ALDH3A2: variants seen among roughly 807,000 people sequenced by gnomAD.
ALDH3A2 encodes aldehyde dehydrogenase 3 family member A2.
A neutral mutation model predicts 51.3 loss-of-function variants in ALDH3A2; 36 were observed. That is an observed-to-expected ratio of 0.70 (90% CI 0.54 to 0.93). The LOEUF (loss-of-function observed/expected upper bound fraction) is 0.93. Among genes scored for constraint, ALDH3A2 ranks in the 40% least tolerant of loss-of-function variants. The probability of loss-of-function intolerance (pLI) is 0.00; values close to 1 mark genes in which losing one functional copy is unlikely to be tolerated. For synonymous variants in ALDH3A2, 199 were observed against 219.8 expected, an observed-to-expected ratio of 0.91 and a Z score of 0.84; for missense variants, 552 against 603.1, an observed-to-expected ratio of 0.92 and a Z score of 0.89.
Position 19,671,805 on chromosome 17 carries a change from A to G in ALDH3A2, c.1292A>G (p.Lys431Arg). 6.2e-7 allele frequency: 1 copy of G among 1,613,904 alleles called. No individual in the cohort carries two copies. The highest frequency in any genetic ancestry group is 2.2e-5 in the East Asian group (1 of 44,884). Residue 431 changes from lysine to arginine, a missense_variant, in exon 9 of 10, where the codon AAG (lysine) becomes AGG (arginine). Transcript: ENST00000176643. The part of the protein sequence containing the change: ...HQRPCLLKSL[K>R]REGANKLRYP... ...CGTCCCTGTTTATTAAAAAGTTTAA[A>G]GAGAGAAGGTGCTAACAAACTCAGA...
intron 5 of ALDH3A2, among the ~76,000 whole-genome samples, chr17:19,660,284 A>G (rs892492431): frequency 2.0e-5 from 3 of 152,140 alleles, no homozygotes; most frequent in South Asian, 4.1e-4. Flanking sequence ...AGGTGATTCT[A>G]TGATGCATTC....
intron 8 of ALDH3A2, among the ~76,000 whole-genome samples, chr17:19,668,173 G>A (rs2085064781): frequency 6.6e-6 from 1 of 152,082 alleles, no homozygotes; most frequent in Non-Finnish European, 1.5e-5. Flanking sequence ...TTATAAGTAA[G>A]AAAATCCTCA....
rs1366970424 is a variant in ALDH3A2 at position 19,671,793 on chromosome 17, TA to T, written c.1285del (p.Ser429ValfsTer2). 3.1e-6 allele frequency: 5 copies of T among 1,614,066 alleles called. No individual in the cohort carries two copies. Among genetic ancestry groups the T allele is most frequent in the Non-Finnish European group, 4.2e-6 (5 of 1,180,028 alleles). On this transcript the variant is annotated frameshift_variant, in exon 9 of 10. Coordinates refer to ENST00000176643, the MANE Select transcript of ALDH3A2 (RefSeq NM_000382.3). LOFTEE classifies it high-confidence loss of function. Reference sequence around the variant, plus strand: ...TTTTCTCATCAGCGTCCCTGTTTATTAAAAAGTTTAAAGAGAGAAGGTGCTA... The same window carrying T: ...TTTTCTCATCAGCGTCCCTGTTTATTAAAAGTTTAAAGAGAGAAGGTGCTA... Reference protein sequence around the residue: ...DTFSHQRPCLLKSLKREGANK... With the variant: ...DTFSHQRPCLXKSLKREGANK...
intron 3 of ALDH3A2, among the ~76,000 whole-genome samples, chr17:19,653,795 G>T (rs1597552327): frequency 6.6e-6 from 1 of 152,166 alleles, no homozygotes; most frequent in Non-Finnish European, 1.5e-5. Flanking sequence ...CTGCTGGCTT[G>T]GGCAGCCTGC....
chr17:19,661,666 A>G (rs1487754379), intron 6 of ALDH3A2, among the ~76,000 whole-genome samples: 1 of 152,204 alleles, frequency 6.6e-6, no homozygotes, highest in African/African-American at 2.4e-5. Context: ...TTGGTCCATC[A>G]TGCTTGACCT....
At chr17:19,670,956 C>T (rs1436761629) in intron 8 of ALDH3A2, among the ~76,000 whole-genome samples, 1 of 152,196 alleles carries the variant, frequency 6.6e-6, no homozygotes, top group Non-Finnish European at 1.5e-5. Flanking sequence ...TGAATGATTC[C>T]TTCCTGCAGC....
At chr17:19,657,930 G>C in intron 5 of ALDH3A2, 68 bp downstream of exon 5, 1 of 1,244,236 alleles carries the variant, frequency 8.0e-7, no homozygotes, top group South Asian at 1.2e-5. Context: ...CTATTCGCAG[G>C]CAGCATCCCC....
chr17:19,662,648 A>G (rs745330872), intron 6 of ALDH3A2, among the ~76,000 whole-genome samples: 12 of 152,160 alleles, frequency 7.9e-5, no homozygotes, highest in Non-Finnish European at 1.3e-4. Context: ...GGTTTAGGGA[A>G]TTTTGACCAT....
intron 4 of ALDH3A2, 67 bp downstream of exon 4, chr17:19,656,641 C>A (rs2084902208): frequency 7.0e-7 from 1 of 1,422,508 alleles, no homozygotes; most frequent in Non-Finnish European, 9.7e-7. Flanking sequence ...GACAATGTTA[C>A]TCTTTGTACT....
intron 4 of ALDH3A2, among the ~76,000 whole-genome samples, chr17:19,656,914 A>T (rs2084904955): frequency 6.6e-6 from 1 of 152,250 alleles, no homozygotes; most frequent in African/African-American, 2.4e-5. Flanking sequence ...GTGTGTGCCT[A>T]ATAAAATCTT....
chr17:19,673,374 GTTTTTATTTTTGT>G lies in ALDH3A2; in HGVS notation c.1443+1424_1443+1436del, dbSNP rs1597575146. The G allele has an allele frequency of 2.8e-5, 40 of 1,416,650 alleles. 1 individual carries two copies. In the East Asian group the frequency reaches 6.0e-4, roughly 21 times the overall value. The allele number at this position is 1,416,650 out of a possible 1,614,324, so 87.8% of individuals were successfully genotyped here. A position where few individuals can be genotyped will look rare whatever the true frequency, so the allele number is the denominator to read the frequency against. ...TGTTTTTGTTTTTGTTTTTGTTTTT[GTTTTTATTTTTGT>G]TTTTTTTTTGCTACAGTTGGAGGCT... On this transcript the variant is annotated intron_variant, in intron 9 of 9. Coordinates refer to ENST00000176643, the MANE Select transcript of ALDH3A2 (RefSeq NM_000382.3).
chr17:19,649,262 A>G lies in ALDH3A2; in HGVS notation c.153+138A>G, dbSNP rs2084781583. The G allele has an allele frequency of 2.4e-6, 3 of 1,238,540 alleles. 1 individual carries two copies. The highest frequency in any genetic ancestry group is 3.1e-5 in the South Asian group (2 of 64,840). The allele number at this position is 1,238,540 out of a possible 1,614,324, so 76.7% of individuals were successfully genotyped here. A position where few individuals can be genotyped will look rare whatever the true frequency, so the allele number is the denominator to read the frequency against. On this transcript the variant is annotated intron_variant, in intron 1 of 9. Transcript: ENST00000176643. Reference sequence around the variant, plus strand: ...GGGAGTATGATCTCCAGCGATACAGATAAAGCCAAAGTTCCCGCAGACTTT... The same window carrying G: ...GGGAGTATGATCTCCAGCGATACAGGTAAAGCCAAAGTTCCCGCAGACTTT...
chr17:19,673,593 C>T (rs1212198975), intron 9 of ALDH3A2, among the ~76,000 whole-genome samples: 1 of 151,984 alleles, frequency 6.6e-6, no homozygotes, highest in Non-Finnish European at 1.5e-5. Flanking sequence ...TGGTACGTGA[C>T]TGTAGTCCCA....
Position 19,675,600 on chromosome 17 carries a change from C to T in ALDH3A2, c.*28C>T, listed in dbSNP as rs375459021. The T allele has an allele frequency of 5.6e-6, 9 of 1,604,088 alleles. No homozygotes were observed. The highest frequency in any genetic ancestry group is 7.7e-6 in the Non-Finnish European group (9 of 1,171,002). On this transcript the variant is annotated 3_prime_UTR_variant, in exon 10 of 10. Coordinates refer to ENST00000176643, the MANE Select transcript of ALDH3A2 (RefSeq NM_000382.3). ...AATGATCCTGTTCAACCTCCTAGTG[C>T]CTCTACTGAATTATTCCTCTTTTAA...
intron 3 of ALDH3A2, chr17:19,656,043 C>T: frequency 2.6e-6 from 1 of 383,568 alleles, no homozygotes; most frequent in Non-Finnish European, 5.0e-6. Context: ...ACCAGAGGCA[C>T]TTCTGCACAC....
upstream of ALDH3A2, chr17:19,648,343 C>T (rs1386179522): frequency 6.5e-6 from 1 of 152,810 alleles, no homozygotes; most frequent in Non-Finnish European, 1.5e-5. Context: ...CGCTAGGCCT[C>T]CAACTACGTC....
rs901575569 is a variant in ALDH3A2, at chr17:19,676,948, C to T, written c.*1376C>T. 2.0e-5 allele frequency: 3 copies of T among 152,154 alleles called. No homozygotes were observed. Among genetic ancestry groups the T allele is most frequent in the African/African-American group, 7.2e-5 (3 of 41,418 alleles). 9.4% of individuals were successfully genotyped at this position (152,154 alleles called of 1,614,324 possible). ...GATGGTGGATGGTCTGGACAAGAAG[C>T]GAGTAAGCCACTGCGGTTGGTCATA... On this transcript the variant is annotated 3_prime_UTR_variant, in exon 10 of 10. Coordinates refer to ENST00000176643, the MANE Select transcript of ALDH3A2 (RefSeq NM_000382.3).
intron 6 of ALDH3A2, among the ~76,000 whole-genome samples, chr17:19,662,919 C>T (rs534151997): frequency 6.6e-6 from 1 of 152,148 alleles, no homozygotes; most frequent in Admixed American, 6.5e-5. Flanking sequence ...ACAGGAGAAT[C>T]ACTTGAACTC....
intron 3 of ALDH3A2, among the ~76,000 whole-genome samples, chr17:19,655,658 C>T (rs112996084): frequency 0.014 from 2,166 of 152,342 alleles, 55 homozygotes; most frequent in African/African-American, 0.049. Context: ...TTGAATACCT[C>T]TCTGTCTTCC....
Sources: allele counts gnomAD v4.1 joint callset (sites outside exome capture counted in the v4.1 genomes callset), GRCh38; gene constraint gnomAD v4.1.1; transcripts MANE v1.5; gene names NCBI Gene and HGNC (gene_info 2026-07-23, HGNC 2026-07-21).